Variants in TAS2R1 observed in about 807,000 individuals in gnomAD.
The protein encoded by TAS2R1 is taste 2 receptor member 1.
For missense variants in TAS2R1, 370 were observed against 353.4 expected (o/e 1.05, Z -0.38); for synonymous variants, 141 against 134.2 (o/e 1.05, Z -0.35).
the TAS2R1 span, among the ~76,000 whole-genome samples, chr5:9,751,671 T>G: frequency 6.6e-6 from 1 of 152,220 alleles, no homozygotes; most frequent in Non-Finnish European, 1.5e-5. Flanking sequence ...TACAAGAGTT[T>G]CCTCCAAATG....
At chr5:9,894,360 C>T in the TAS2R1 span, among the ~76,000 whole-genome samples, 229 of 152,020 alleles carry the variant, frequency 1.5e-3, no homozygotes, top group African/African-American at 5.3e-3. Context: ...GCCAAGATCA[C>T]GCCATTGTAC....
At chr5:9,746,609 C>T in the TAS2R1 span, among the ~76,000 whole-genome samples, 6 of 152,136 alleles carry the variant, frequency 3.9e-5, no homozygotes, top group African/African-American at 1.2e-4. Context: ...AGTTCATGTC[C>T]TTTGTAGGGA....
chr5:9,736,186 A>T, the TAS2R1 span, among the ~76,000 whole-genome samples: 1 of 152,330 alleles, frequency 6.6e-6, no homozygotes, highest in East Asian at 1.9e-4. Context: ...CCTGCCTAGC[A>T]TCCCTCTTTT....
chr5:9,643,142 C>T (rs1027211578), intron 2 of TAS2R1, among the ~76,000 whole-genome samples: 1 of 152,106 alleles, frequency 6.6e-6, no homozygotes, highest in Non-Finnish European at 1.5e-5. Flanking sequence ...CAGCCATGCA[C>T]TGCTTAATCA....
At position 9,628,128 on chromosome 5, in the gene TAS2R1, T is replaced by TTATCTATCTATCTATC. The variant is rs35524938; in HGVS notation, c.*989_*1004dup. On this transcript the variant is annotated 3_prime_UTR_variant, in exon 1 of 1. Coordinates refer to ENST00000382492, the MANE Select transcript of TAS2R1 (RefSeq NM_019599.3). ...ATACAAGTATATCTATCTCCATAAT[T>TTATCTATCTATCTATC]TATCTATCTATCTATCTATCTATCT... Among the ~76,000 whole-genome samples, 29 of 146,484 alleles carry TTATCTATCTATCTATC rather than the reference T, an allele frequency of 2.0e-4. No homozygotes were observed. The highest frequency in any genetic ancestry group is 6.7e-4 in the South Asian group (3 of 4,506).
the TAS2R1 span, among the ~76,000 whole-genome samples, chr5:9,874,451 G>T: frequency 1.5e-5 from 2 of 130,652 alleles, no homozygotes; most frequent in Admixed American, 7.5e-5. Context: ...AGAAATTCCT[G>T]CATTATTCTT....
At chr5:9,878,909 G>A in the TAS2R1 span, among the ~76,000 whole-genome samples, 1 of 152,216 alleles carries the variant, frequency 6.6e-6, no homozygotes, top group Non-Finnish European at 1.5e-5. Flanking sequence ...GAGGTTTGGA[G>A]TGCAGACATA....
chr5:9,862,238 T>A, the TAS2R1 span, among the ~76,000 whole-genome samples: 71 of 152,298 alleles, frequency 4.7e-4, no homozygotes, highest in African/African-American at 1.6e-3. Flanking sequence ...CCCATTCTCA[T>A]TGCCTCATAG....
At chr5:9,714,425 T>G (rs3110977), upstream of TAS2R1, among the ~76,000 whole-genome samples, 31,000 of 152,182 alleles carry the variant, frequency 0.2, 3,082 homozygotes, top group Middle Eastern at 0.32. Context: ...GAGGCTGTGA[T>G]GAAGCACAGA....
At chr5:9,639,919 T>C (rs1477219424) in intron 2 of TAS2R1, among the ~76,000 whole-genome samples, 2 of 152,206 alleles carry the variant, frequency 1.3e-5, no homozygotes, top group Admixed American at 6.5e-5. Flanking sequence ...ATTTTCTTCA[T>C]GTCAGCAATA....
the TAS2R1 span, among the ~76,000 whole-genome samples, chr5:9,809,399 T>TG: frequency 6.6e-6 from 1 of 152,120 alleles, no homozygotes; most frequent in Non-Finnish European, 1.5e-5. Flanking sequence ...GTGGAGTCTT[T>TG]GGGAGGTGAT....
At chr5:9,896,298 G>T in the TAS2R1 span, among the ~76,000 whole-genome samples, 4 of 152,146 alleles carry the variant, frequency 2.6e-5, no homozygotes, top group Non-Finnish European at 5.9e-5. Flanking sequence ...TGTCCATATG[G>T]GTAGCAGAAT....
At chr5:9,705,240 C>T (rs1463842012) in intron 1 of TAS2R1, among the ~76,000 whole-genome samples, 2 of 152,118 alleles carry the variant, frequency 1.3e-5, no homozygotes, top group Non-Finnish European at 2.9e-5. Flanking sequence ...CACCAGAAAA[C>T]TATTCAGAGT....
the TAS2R1 span, among the ~76,000 whole-genome samples, chr5:9,867,669 C>G: frequency 3.3e-5 from 5 of 152,084 alleles, no homozygotes; most frequent in African/African-American, 1.2e-4. Context: ...ATCTTATGCC[C>G]TCACATTTCG....
intron 2 of TAS2R1, among the ~76,000 whole-genome samples, chr5:9,654,898 C>A (rs917324134): frequency 5.3e-5 from 8 of 152,174 alleles, no homozygotes; most frequent in Admixed American, 5.2e-4. Flanking sequence ...CAATTCTACT[C>A]CTGTTATTTG....
At chr5:9,826,454 G>A in the TAS2R1 span, among the ~76,000 whole-genome samples, 1 of 152,142 alleles carries the variant, frequency 6.6e-6, no homozygotes, top group African/African-American at 2.4e-5. Flanking sequence ...ACACTAAAAT[G>A]TCTCAACTGG....
the TAS2R1 span, among the ~76,000 whole-genome samples, chr5:9,825,440 T>C: frequency 6.6e-6 from 1 of 152,106 alleles, no homozygotes; most frequent in African/African-American, 2.4e-5. Flanking sequence ...GATTCAATTA[T>C]CTCCCACCAG....
the TAS2R1 span, among the ~76,000 whole-genome samples, chr5:9,874,213 C>A: frequency 1.3e-5 from 2 of 152,252 alleles, no homozygotes; most frequent in East Asian, 3.9e-4. Flanking sequence ...GGCTTGGTGG[C>A]AGAAATTTGC....
chr5:9,629,415 C>T lies in TAS2R1; in HGVS notation c.618G>A (p.Arg206=), dbSNP rs758028493. 3 of 1,614,064 alleles carry T rather than the reference C, an allele frequency of 1.9e-6. No individual in the cohort carries two copies. The highest frequency in any genetic ancestry group is 2.5e-6 in the Non-Finnish European group (3 of 1,180,014). The change falls in exon 1 of 1, where the codon CGG becomes CGA. Residue 206 remains arginine, a synonymous_variant. Transcript: ENST00000382492. Reference sequence around the variant, plus strand: ...TGCCGGCCACTGTGTTTCTCATTTGCCGGGTGTGCCTCCCCAGAGAGAAAA... The same window carrying T: ...TGCCGGCCACTGTGTTTCTCATTTGTCGGGTGTGCCTCCCCAGAGAGAAAA... ...LLIFSLGRHT[R]QMRNTVAGSR...
Sources: gnomAD v4.1 joint callset for allele counts (sites outside exome capture counted in the v4.1 genomes callset) on GRCh38, gnomAD v4.1.1 for gene constraint, MANE v1.5 for transcripts, NCBI Gene and HGNC (gene_info 2026-07-23, HGNC 2026-07-21) for gene names.